Variants in VWDE observed in about 807,000 individuals in gnomAD.
VWDE encodes the protein von Willebrand factor D and EGF domain-containing protein.
In VWDE, 207 loss-of-function variants were observed where a neutral mutation model predicts 178.4. The ratio of observed to expected loss-of-function variants is 1.16; its 90% confidence interval spans 1.04 to 1.30. VWDE has a LOEUF of 1.30. Ranked by LOEUF, VWDE falls within the 50% of genes most tolerant of loss-of-function variation. VWDE has a pLI of 0.00. For synonymous variants in VWDE, 738 were observed against 651.4 expected (o/e 1.13, Z -2.02); for missense variants, 2,287 against 1,901.3 (o/e 1.20, Z -3.77).
chr7:12,359,131 A>G (rs1782433655), intron 16 of VWDE, among the ~76,000 whole-genome samples: 1 of 152,176 alleles, frequency 6.6e-6, no homozygotes, highest in Non-Finnish European at 1.5e-5. Flanking sequence ...GTACATGACT[A>G]TAATTTGGGG....
At chr7:12,349,381 A>T (rs886610668) in intron 19 of VWDE, among the ~76,000 whole-genome samples, 1 of 151,394 alleles carries the variant, frequency 6.6e-6, no homozygotes, top group Admixed American at 6.6e-5. Context: ...CAAATTTCAA[A>T]TGAATTAAAA....
chr7:12,370,741 T>G lies in VWDE; in HGVS notation c.1711A>C (p.Asn571His). 6.4e-7 allele frequency: 1 copy of G among 1,551,246 alleles called. No individual in the cohort carries two copies. The highest frequency in any genetic ancestry group is 8.7e-7 in the Non-Finnish European group (1 of 1,146,728). Residue 571 changes from asparagine (N) to histidine (H), a missense_variant, in exon 11 of 29, where the codon AAT (asparagine) becomes CAT (histidine). Coordinates refer to ENST00000275358, the MANE Select transcript of VWDE (RefSeq NM_001135924.3). ...TLGLCGTFDE[N>H]PENDFHDKNG... ...TTGTCATGGAAATCATTTTCCGGAT[T>G]TTCATCAAAGGTTCCACAAAGTCCC...
In VWDE at chr7:12,389,183, T is replaced by A; in HGVS notation, c.419A>T (p.Asn140Ile). The A allele has an allele frequency of 6.4e-7, 1 of 1,551,968 alleles. No individual in the cohort carries two copies. Among genetic ancestry groups the A allele is most frequent in the Non-Finnish European group, 8.7e-7 (1 of 1,147,032 alleles). The change falls in exon 3 of 29, where the codon AAC becomes ATC. Residue 140 changes from asparagine to isoleucine, a missense_variant. Transcript: ENST00000275358. The stretch of plus-strand genomic sequence containing the variant: ...TGGTTGTAGTAAGTATACAGAAAAG[T>A]TCCCACAGTTTCTTACAGACACTGG... ...QIPVSVRNCGNFSVYLLQPTQ... is the reference protein window; with the variant it reads ...QIPVSVRNCGIFSVYLLQPTQ...
intron 22 of VWDE, among the ~76,000 whole-genome samples, chr7:12,342,377 A>G (rs1468672994): frequency 6.6e-6 from 1 of 152,182 alleles, no homozygotes; most frequent in East Asian, 1.9e-4. Context: ...ATAGAAAACC[A>G]TTGAGCCAAG....
chr7:12,388,183 T>C (rs1301683714), intron 3 of VWDE, among the ~76,000 whole-genome samples: 4 of 152,186 alleles, frequency 2.6e-5, no homozygotes, highest in Non-Finnish European at 1.5e-5. Flanking sequence ...TGTTAGTGTG[T>C]TCTTTAATTT....
intron 2 of VWDE, among the ~76,000 whole-genome samples, chr7:12,391,416 C>G (rs1011525490): frequency 1.3e-5 from 2 of 152,204 alleles, no homozygotes; most frequent in African/African-American, 4.8e-5. Flanking sequence ...GGAACACTTC[C>G]TCCTGGAGCA....
Position 12,403,793 on chromosome 7 carries a change from C to G in VWDE, c.-77G>C. On this transcript the variant is annotated 5_prime_UTR_variant, in exon 1 of 29. Transcript: ENST00000275358. ...GCCAGGAGGATGGGGCCACAGCAGC[C>G]CCTCGGGCCTCCTTTCTTGGATTTT... 4.2e-6 allele frequency: 6 copies of G among 1,445,000 alleles called. No homozygotes were observed. In the East Asian group the frequency reaches 1.2e-4, roughly 30 times the overall value. 89.5% of individuals were successfully genotyped at this position (1,445,000 alleles called of 1,614,324 possible). A position where few individuals can be genotyped will look rare whatever the true frequency, so the allele number is the denominator to read the frequency against.
intron 1 of VWDE, among the ~76,000 whole-genome samples, chr7:12,400,925 T>C (rs921191924): frequency 6.6e-6 from 1 of 152,088 alleles, no homozygotes; most frequent in Non-Finnish European, 1.5e-5. Context: ...CGAATTACTA[T>C]AATAAACCAC....
intron 1 of VWDE, 53 bp from the exon 2 acceptor site, chr7:12,393,831 G>C: frequency 7.1e-7 from 1 of 1,406,548 alleles, no homozygotes; most frequent in Non-Finnish European, 9.4e-7. Flanking sequence ...TGTTGACATA[G>C]TTCGGTCCTC....
intron 18 of VWDE, 44 bp from the exon 19 acceptor site, chr7:12,351,757 G>A: frequency 6.8e-7 from 1 of 1,475,712 alleles, no homozygotes; most frequent in Non-Finnish European, 9.0e-7. Flanking sequence ...TAAACTATTA[G>A]ACAACCAAAG....
chr7:12,359,769 T>G, intron 15 of VWDE, 77 bp from the exon 16 acceptor site: 1 of 832,320 alleles, frequency 1.2e-6, no homozygotes, highest in Non-Finnish European at 1.9e-6. Context: ...AGGATGGCAG[T>G]GTATGTATTG....
chr7:12,340,561 G>A (rs890244686), intron 23 of VWDE, 144 bp from the exon 24 acceptor site: 11 of 579,436 alleles, frequency 1.9e-5, no homozygotes, highest in Non-Finnish European at 2.7e-5. Flanking sequence ...ATTAGACTTT[G>A]CCAAACATAA....
intron 24 of VWDE, among the ~76,000 whole-genome samples, chr7:12,340,044 G>A (rs2128545966): frequency 6.6e-6 from 1 of 152,244 alleles, no homozygotes. Context: ...GACTACAAGA[G>A]AACTTTGCTT....
intron 10 of VWDE, among the ~76,000 whole-genome samples, chr7:12,371,695 T>G (rs915143655): frequency 2.6e-5 from 4 of 152,184 alleles, no homozygotes; most frequent in Non-Finnish European, 5.9e-5. Context: ...AATATTAAGA[T>G]CTTTGTGCAA....
At chr7:12,335,244 A>C (rs1449221624) in intron 27 of VWDE, among the ~76,000 whole-genome samples, 1 of 152,156 alleles carries the variant, frequency 6.6e-6, no homozygotes, top group East Asian at 1.9e-4. Flanking sequence ...AGTTTTTCCC[A>C]TTAAGTTAAT....
At chr7:12,345,120 C>G (rs907009987) in intron 19 of VWDE, among the ~76,000 whole-genome samples, 2 of 151,908 alleles carry the variant, frequency 1.3e-5, no homozygotes, top group Non-Finnish European at 2.9e-5. Context: ...CCCTGGAACA[C>G]AGAAAGTACT....
chr7:12,339,457 C>T (rs573194873), intron 24 of VWDE, among the ~76,000 whole-genome samples: 2 of 152,222 alleles, frequency 1.3e-5, no homozygotes, highest in African/African-American at 4.8e-5. Context: ...GTTTCTCAAA[C>T]TGCTTCTTCA....
At chr7:12,372,190 T>A (rs1255752270) in intron 10 of VWDE, among the ~76,000 whole-genome samples, 1 of 152,122 alleles carries the variant, frequency 6.6e-6, no homozygotes, top group Admixed American at 6.6e-5. Context: ...TTATATTATT[T>A]GCTCATTTTA....
At chr7:12,362,429 A>G (rs948782071) in intron 13 of VWDE, among the ~76,000 whole-genome samples, 10 of 152,076 alleles carry the variant, frequency 6.6e-5, no homozygotes, top group African/African-American at 2.4e-4. Context: ...AGTTCACTCT[A>G]CTTAATAACT....
Sources: allele counts gnomAD v4.1 joint callset (sites outside exome capture counted in the v4.1 genomes callset), GRCh38; gene constraint gnomAD v4.1.1; transcripts MANE v1.5; gene names NCBI Gene and HGNC (gene_info 2026-07-23, HGNC 2026-07-21).